STK4: variants seen among roughly 807,000 people sequenced by gnomAD.
STK4 encodes serine/threonine-protein kinase 4.
STK4 carries 30 observed loss-of-function variants against 64.9 expected under a neutral mutation model. That is an observed-to-expected ratio of 0.46 (90% CI 0.35 to 0.63). The LOEUF (loss-of-function observed/expected upper bound fraction) is 0.63. Among genes scored for constraint, STK4 ranks in the 20% least tolerant of loss-of-function variants. STK4 has a pLI of 0.01. For missense variants in STK4, 466 were observed against 598.5 expected, an observed-to-expected ratio of 0.78 and a Z score of 2.31; for synonymous variants, 177 against 199.0, an observed-to-expected ratio of 0.89 and a Z score of 0.93.
At chr20:44,991,824 AGCTAATTTTTAGTAGTTTTTGTAGAG>A (rs2145676434) in intron 5 of STK4, among the ~76,000 whole-genome samples, 1 of 152,064 alleles carries the variant, frequency 6.6e-6, no homozygotes, top group South Asian at 2.1e-4. Context: ...CACCACCCCC[AGCTAATTTTTAGTAGTTTTTGTAGAG>A]ACATAGTTTC....
intron 8 of STK4, 45 bp downstream of exon 8, chr20:45,000,565 T>C: frequency 6.2e-7 from 1 of 1,610,884 alleles, no homozygotes. Flanking sequence ...TGATGCTTGT[T>C]ATTTTATGAT....
At chr20:44,999,809 C>A (rs2067802768) in intron 7 of STK4, among the ~76,000 whole-genome samples, 1 of 152,166 alleles carries the variant, frequency 6.6e-6, no homozygotes, top group Non-Finnish European at 1.5e-5. Flanking sequence ...ATAGAAAGAA[C>A]AAGTCAGATG....
At chr20:45,059,278 T>C (rs1978778467) in intron 10 of STK4, among the ~76,000 whole-genome samples, 4 of 152,246 alleles carry the variant, frequency 2.6e-5, no homozygotes, top group Admixed American at 2.6e-4. Context: ...TACTGTAATC[T>C]TAGCAGCCTT....
At chr20:45,017,600 C>G (rs1401876707) in intron 9 of STK4, among the ~76,000 whole-genome samples, 6 of 152,138 alleles carry the variant, frequency 3.9e-5, no homozygotes, top group Non-Finnish European at 8.8e-5. Flanking sequence ...GAACCTGATT[C>G]TCTTGTTAAT....
At position 45,079,773 on chromosome 20, in the gene STK4, T is replaced by G. The variant is rs964150786; in HGVS notation, c.*4597T>G. 4 of 152,678 alleles carry G rather than the reference T, an allele frequency of 2.6e-5. No homozygotes were observed. Among genetic ancestry groups the G allele is most frequent in the African/African-American group, 9.6e-5 (4 of 41,454 alleles). 9.5% of individuals were successfully genotyped at this position (152,678 alleles called of 1,614,324 possible). A position where few individuals can be genotyped will look rare whatever the true frequency, so the allele number is the denominator to read the frequency against. The stretch of plus-strand genomic sequence containing the variant: ...CTATTTTGTAAGGTTTGGATGTAAG[T>G]AATCAATTGAGGTCAGCAGTTTGTA... On this transcript the variant is annotated 3_prime_UTR_variant, in exon 11 of 11. Coordinates refer to ENST00000372806, the MANE Select transcript of STK4 (RefSeq NM_006282.5).
At chr20:45,059,849 A>G (rs1237224819) in intron 10 of STK4, among the ~76,000 whole-genome samples, 2 of 152,084 alleles carry the variant, frequency 1.3e-5, no homozygotes, top group Non-Finnish European at 2.9e-5. Flanking sequence ...TGATTTTGGT[A>G]TGCATGGATC....
chr20:45,018,107 A>G (rs1283868929), intron 9 of STK4, among the ~76,000 whole-genome samples: 2 of 152,240 alleles, frequency 1.3e-5, no homozygotes, highest in Admixed American at 6.5e-5. Context: ...CCACACACTC[A>G]TAACAAATGT....
chr20:44,978,469 T>C lies in STK4; in HGVS notation c.143T>C (p.Ile48Thr). 1 of 1,614,112 alleles carries C rather than the reference T, an allele frequency of 6.2e-7. No homozygotes were observed. Among genetic ancestry groups the C allele is most frequent in the Non-Finnish European group, 8.5e-7 (1 of 1,180,004 alleles). The stretch of plus-strand genomic sequence containing the variant: ...TCCTATGGCAGCGTATACAAAGCTA[T>C]TCATAAAGAGACCGGCCAGATTGTT... ...EGSYGSVYKAIHKETGQIVAI... is the reference protein window; with the variant it reads ...EGSYGSVYKATHKETGQIVAI... The change falls in exon 3 of 11, where the codon ATT becomes ACT. Residue 48 changes from isoleucine to threonine, a missense_variant. Physicochemically the swap from Ile to Thr is moderately conservative, Grantham distance 89. Coordinates refer to ENST00000372806, the MANE Select transcript of STK4 (RefSeq NM_006282.5).
At chr20:45,063,069 T>A (rs1979235077) in intron 10 of STK4, among the ~76,000 whole-genome samples, 1 of 132,724 alleles carries the variant, frequency 7.5e-6, no homozygotes, top group Non-Finnish European at 1.6e-5. Flanking sequence ...GGTGGTGTGA[T>A]CATGGCTCAC....
rs934087790 is a variant in STK4 at position 45,078,608 on chromosome 20, C to T, written c.*3432C>T. On this transcript the variant is annotated 3_prime_UTR_variant, in exon 11 of 11. Coordinates refer to ENST00000372806, the MANE Select transcript of STK4 (RefSeq NM_006282.5). ...CCCCTTTTTGTCCCTTTCCCCAAGCCACCAATTGGATGGATGAATGTTTGA... is the reference window on the plus strand; with the variant it reads ...CCCCTTTTTGTCCCTTTCCCCAAGCTACCAATTGGATGGATGAATGTTTGA... The T allele has an allele frequency of 1.3e-5, 2 of 151,484 alleles. No individual in the cohort carries two copies. The highest frequency in any genetic ancestry group is 2.9e-5 in the Non-Finnish European group (2 of 67,966). 9.4% of individuals were successfully genotyped at this position (151,484 alleles called of 1,614,324 possible). A position where few individuals can be genotyped will look rare whatever the true frequency, so the allele number is the denominator to read the frequency against.
In STK4 at chr20:44,987,130, A is replaced by T; in HGVS notation, c.361-2A>T. On this transcript the variant is annotated splice_acceptor_variant, in intron 4 of 10. Coordinates refer to ENST00000372806, the MANE Select transcript of STK4 (RefSeq NM_006282.5). LOFTEE classifies it high-confidence loss of function. ...AATTTGAACTTCTTATTCTTTTTTC[A>T]GTTAACAGAAGATGAAATAGCTACA... The T allele has an allele frequency of 6.4e-7, 1 of 1,574,620 alleles. No homozygotes were observed. The highest frequency in any genetic ancestry group is 8.6e-7 in the Non-Finnish European group (1 of 1,162,258).
chr20:45,015,065 G>A (rs551552788), intron 9 of STK4, among the ~76,000 whole-genome samples: 59 of 152,290 alleles, frequency 3.9e-4, no homozygotes, highest in African/African-American at 1.1e-3. Flanking sequence ...ACATGTTTTA[G>A]TTAAATTACT....
chr20:44,972,214 A>G (rs1169613250), intron 2 of STK4, 56 bp downstream of exon 2: 1 of 1,449,106 alleles, frequency 6.9e-7, no homozygotes, highest in Non-Finnish European at 9.6e-7. Flanking sequence ...TTCCTGCCCC[A>G]GAAGAAGCAG....
Position 45,013,370 on chromosome 20 carries a change from T to C in STK4, c.1148-11603T>C, listed in dbSNP as rs371351452. On this transcript the variant is annotated intron_variant, in intron 9 of 10. Transcript: ENST00000372806. ...TAGTTAGCTTTTTAATTTTCTTGCT[T>C]ACTAATACATTTAATCAACATTGTA... Among the ~76,000 whole-genome samples, 8 of 152,294 alleles carry C rather than the reference T, an allele frequency of 5.3e-5. 1 individual carries two copies. Among genetic ancestry groups the C allele is most frequent in the East Asian group, 1.9e-4 (1 of 5,186 alleles).
At chr20:44,985,133 C>T (rs2067510321) in intron 4 of STK4, among the ~76,000 whole-genome samples, 1 of 152,118 alleles carries the variant, frequency 6.6e-6, no homozygotes, top group South Asian at 2.1e-4. Flanking sequence ...TACTACCTTG[C>T]CAGTAGTGTT....
chr20:45,053,427 T>G (rs1261991506), intron 10 of STK4, among the ~76,000 whole-genome samples: 1 of 152,244 alleles, frequency 6.6e-6, no homozygotes, highest in Admixed American at 6.5e-5. Flanking sequence ...TTGGCAGGCT[T>G]CTTCTTTAGC....
chr20:44,987,936 T>C (rs1264943874), intron 5 of STK4, among the ~76,000 whole-genome samples: 2 of 151,982 alleles, frequency 1.3e-5, no homozygotes, highest in Non-Finnish European at 2.9e-5. Context: ...TGAATATATA[T>C]AGTGTGTGTT....
intron 7 of STK4, among the ~76,000 whole-genome samples, chr20:44,999,442 G>A (rs1286435714): frequency 6.6e-6 from 1 of 152,154 alleles, no homozygotes; most frequent in Non-Finnish European, 1.5e-5. Context: ...GACGGGTGAT[G>A]GAGAACAGAG....
intron 5 of STK4, 76 bp downstream of exon 5, chr20:44,987,372 T>A: frequency 7.4e-7 from 1 of 1,355,330 alleles, no homozygotes; most frequent in Non-Finnish European, 1.0e-6. Flanking sequence ...TACCTATTTT[T>A]AAAATATAAT....
Sources: gnomAD v4.1 joint callset for allele counts (sites outside exome capture counted in the v4.1 genomes callset) on GRCh38, gnomAD v4.1.1 for gene constraint, MANE v1.5 for transcripts, NCBI Gene and HGNC (gene_info 2026-07-23, HGNC 2026-07-21) for gene names.